The following LYN variants were observed in gnomAD, a reference collection of about 807,000 sequenced individuals.
LYN encodes the protein tyrosine-protein kinase Lyn.
In LYN, 12 loss-of-function variants were observed where a neutral mutation model predicts 65.0. That is an observed-to-expected ratio of 0.18 (90% CI 0.12 to 0.30). The LOEUF is 0.30. Among genes scored for constraint, LYN ranks in the 10% least tolerant of loss-of-function variants. The probability of loss-of-function intolerance (pLI) is 1.00; values close to 1 mark genes in which losing one functional copy is unlikely to be tolerated. For missense variants in LYN, 380 were observed against 623.2 expected (o/e 0.61, Z 4.16); for synonymous variants, 222 against 221.2 (o/e 1.00, Z -0.03).
At chr8:56,004,158 C>T (rs536349164) in intron 12 of LYN, among the ~76,000 whole-genome samples, 1 of 151,740 alleles carries the variant, frequency 6.6e-6, no homozygotes, top group Non-Finnish European at 1.5e-5. Context: ...TCTTGAACTC[C>T]CGACCTCAGG....
At chr8:55,929,106 G>C (rs1480263914) in intron 1 of LYN, among the ~76,000 whole-genome samples, 1 of 152,158 alleles carries the variant, frequency 6.6e-6, no homozygotes, top group Admixed American at 6.5e-5. Context: ...GACTATATTT[G>C]TGTGGTTCTA....
intron 1 of LYN, among the ~76,000 whole-genome samples, chr8:55,897,603 AC>A (rs1407606768): frequency 6.6e-6 from 1 of 152,048 alleles, no homozygotes; most frequent in Non-Finnish European, 1.5e-5. Context: ...GGATATAAGC[AC>A]TCTTAGCCAT....
At chr8:55,934,134 G>A (rs1051224950) in intron 1 of LYN, among the ~76,000 whole-genome samples, 2 of 152,182 alleles carry the variant, frequency 1.3e-5, no homozygotes, top group African/African-American at 2.4e-5. Flanking sequence ...GCTGAGGCAG[G>A]AGAATCGCTT....
chr8:56,000,491 G>A (rs943162254), intron 12 of LYN, among the ~76,000 whole-genome samples: 28 of 152,026 alleles, frequency 1.8e-4, no homozygotes, highest in African/African-American at 6.5e-4. Context: ...CACTTTGGGA[G>A]GCTGAGGTGG....
At chr8:55,897,735 G>C (rs1805156684) in intron 1 of LYN, among the ~76,000 whole-genome samples, 1 of 151,984 alleles carries the variant, frequency 6.6e-6, no homozygotes, top group Non-Finnish European at 1.5e-5. Context: ...AACATAGTGA[G>C]ACCTCATCTC....
intron 10 of LYN, 141 bp from the exon 11 acceptor site, chr8:55,998,205 C>T: frequency 3.6e-6 from 2 of 562,414 alleles, no homozygotes; most frequent in Non-Finnish European, 6.3e-6. Context: ...ATTGCCATTA[C>T]CCACTGTCTT....
At chr8:55,886,299 G>GTT (rs1455321412) in intron 1 of LYN, among the ~76,000 whole-genome samples, 1 of 140,536 alleles carries the variant, frequency 7.1e-6, no homozygotes, top group Admixed American at 7.6e-5. Flanking sequence ...GTAGTACAAT[G>GTT]GTGCAATCTC....
intron 7 of LYN, 108 bp from the exon 8 acceptor site, chr8:55,953,724 C>A: frequency 1.1e-6 from 1 of 888,974 alleles, no homozygotes; most frequent in Non-Finnish European, 1.7e-6. Flanking sequence ...AGTTCACAGA[C>A]TGCGGCAGGT....
At chr8:55,959,338 T>A (rs557663428) in intron 8 of LYN, among the ~76,000 whole-genome samples, 42 of 152,272 alleles carry the variant, frequency 2.8e-4, no homozygotes, top group Non-Finnish European at 3.7e-4. Flanking sequence ...AATTGTGTTC[T>A]TTACTTGATT....
intron 4 of LYN, among the ~76,000 whole-genome samples, chr8:55,949,650 C>T (rs369059035): frequency 6.6e-6 from 1 of 152,306 alleles, no homozygotes; most frequent in East Asian, 1.9e-4. Context: ...ATCAAGTCAG[C>T]GTAATTAGCA....
At chr8:55,996,273 T>G (rs1808371060) in intron 10 of LYN, among the ~76,000 whole-genome samples, 1 of 152,112 alleles carries the variant, frequency 6.6e-6, no homozygotes, top group South Asian at 2.1e-4. Context: ...AGGCCAGGGA[T>G]TGGCCTAGAG....
chr8:55,887,357 T>A (rs1804826273), intron 1 of LYN, among the ~76,000 whole-genome samples: 1 of 152,114 alleles, frequency 6.6e-6, no homozygotes, highest in African/African-American at 2.4e-5. Context: ...AATATTCATA[T>A]ATGGACACAT....
At chr8:55,943,650 A>G (rs927708614) in intron 2 of LYN, among the ~76,000 whole-genome samples, 1 of 151,842 alleles carries the variant, frequency 6.6e-6, no homozygotes, top group Non-Finnish European at 1.5e-5. Context: ...GGTGTTTTAG[A>G]AATATATTCC....
intron 8 of LYN, among the ~76,000 whole-genome samples, chr8:55,956,563 C>T (rs570512062): frequency 2.6e-5 from 4 of 152,120 alleles, no homozygotes; most frequent in Non-Finnish European, 5.9e-5. Flanking sequence ...TAAATAAATA[C>T]TCTGTGGGAA....
At chr8:55,950,879 A>G (rs140189894) in intron 6 of LYN, 95 bp downstream of exon 6, 10 of 846,116 alleles carry the variant, frequency 1.2e-5, no homozygotes, top group Middle Eastern at 2.5e-4. Flanking sequence ...AAGGGCATAT[A>G]GTATGCTCTG....
At chr8:56,004,437 G>T (rs1430115299) in intron 12 of LYN, among the ~76,000 whole-genome samples, 2 of 151,704 alleles carry the variant, frequency 1.3e-5, no homozygotes, top group Non-Finnish European at 2.9e-5. Flanking sequence ...GGGACTACAG[G>T]TGTGCACCAC....
intron 1 of LYN, among the ~76,000 whole-genome samples, chr8:55,934,261 G>A (rs1051546385): frequency 8.5e-5 from 13 of 152,170 alleles, no homozygotes; most frequent in African/African-American, 2.7e-4. Flanking sequence ...GGTAAACACA[G>A]CAAACAGAAG....
intron 10 of LYN, among the ~76,000 whole-genome samples, chr8:55,982,645 C>T (rs1377673268): frequency 6.6e-6 from 1 of 152,134 alleles, no homozygotes; most frequent in Non-Finnish European, 1.5e-5. Context: ...GTGGTCAGCT[C>T]CGGCTGGCTT....
At chr8:55,982,520 A>G (rs1807956596) in intron 10 of LYN, among the ~76,000 whole-genome samples, 1 of 151,818 alleles carries the variant, frequency 6.6e-6, no homozygotes, top group African/African-American at 2.4e-5. Flanking sequence ...CCATTTCCAG[A>G]CCTTCTACCT....
Sources: gnomAD v4.1 joint callset for allele counts (sites outside exome capture counted in the v4.1 genomes callset) on GRCh38, gnomAD v4.1.1 for gene constraint, MANE v1.5 for transcripts, NCBI Gene and HGNC (gene_info 2026-07-23, HGNC 2026-07-21) for gene names.